TUSC3: variants seen among roughly 807,000 people sequenced by gnomAD.
The protein encoded by TUSC3 is dolichyl-diphosphooligosaccharide--protein glycosyltransferase subunit TUSC3.
A neutral mutation model predicts 44.8 loss-of-function variants in TUSC3; 45 were observed. The observed-to-expected ratio is 1.00, with a 90% CI of 0.79 to 1.29. The LOEUF (loss-of-function observed/expected upper bound fraction) is 1.29, where lower values mean the gene tolerates loss of function less well. TUSC3 is among the 50% of genes most tolerant of loss of function. The probability of loss-of-function intolerance (pLI) is 0.00; values close to 1 mark genes in which losing one functional copy is unlikely to be tolerated. For missense variants in TUSC3, 519 were observed against 437.9 expected, an observed-to-expected ratio of 1.19 and a Z score of -1.65; for synonymous variants, 212 against 152.9, an observed-to-expected ratio of 1.39 and a Z score of -2.85.
the TUSC3 span, among the ~76,000 whole-genome samples, chr8:15,846,164 G>C: frequency 1.3e-5 from 2 of 152,258 alleles, no homozygotes; most frequent in East Asian, 3.9e-4. Flanking sequence ...TTCCAGTTGA[G>C]ATTTGAATGG....
the TUSC3 span, among the ~76,000 whole-genome samples, chr8:15,800,462 A>G: frequency 6.6e-6 from 1 of 151,968 alleles, no homozygotes. Context: ...AGTCTCAGCT[A>G]CTTGGGGGGC....
intron 1 of TUSC3, among the ~76,000 whole-genome samples, chr8:15,591,775 A>G (rs1284950206): frequency 6.6e-6 from 1 of 152,198 alleles, no homozygotes; most frequent in Non-Finnish European, 1.5e-5. Context: ...GAAAGTGGTT[A>G]TAATAAGATT....
At chr8:15,817,155 T>C in the TUSC3 span, among the ~76,000 whole-genome samples, 1 of 152,224 alleles carries the variant, frequency 6.6e-6, no homozygotes, top group Non-Finnish European at 1.5e-5. Context: ...ATGATGTTTC[T>C]CTTTTTTAAA....
rs533133321 is a variant in TUSC3, at chr8:15,591,534, G to C, written c.139-31546G>C. 4.6e-5 allele frequency among the ~76,000 whole-genome samples: 7 copies of C among 152,342 alleles called. No homozygotes were observed. The South Asian group carries it at 1.4e-3, about 32-fold the overall frequency. The stretch of plus-strand genomic sequence containing the variant: ...TCAATGGTAATTCTAGTAGAAGACA[G>C]AAGTATCAAGCGAGTAAGCATACAG... On this transcript the variant is annotated intron_variant, in intron 1 of 10. Coordinates refer to ENST00000503731, the MANE Select transcript of TUSC3 (RefSeq NM_006765.4).
the TUSC3 span, among the ~76,000 whole-genome samples, chr8:15,837,874 C>A: frequency 1.3e-5 from 2 of 152,240 alleles, no homozygotes; most frequent in African/African-American, 2.4e-5. Context: ...ATTTTGACTT[C>A]TTTTAAAATT....
At chr8:15,800,262 A>G in the TUSC3 span, among the ~76,000 whole-genome samples, 17 of 152,152 alleles carry the variant, frequency 1.1e-4, no homozygotes, top group Non-Finnish European at 1.6e-4. Flanking sequence ...CCACTTGACA[A>G]CATCATAGAT....
intron 1 of TUSC3, among the ~76,000 whole-genome samples, chr8:15,452,662 C>G (rs143246076): frequency 6.2e-4 from 94 of 152,248 alleles, no homozygotes; most frequent in African/African-American, 2.0e-3. Flanking sequence ...CTCTCCTGCA[C>G]AAATAGTCTT....
At chr8:15,830,642 G>A in the TUSC3 span, among the ~76,000 whole-genome samples, 1 of 152,136 alleles carries the variant, frequency 6.6e-6, no homozygotes, top group South Asian at 2.1e-4. Flanking sequence ...CTTATCCTAA[G>A]TGAAATAACT....
chr8:15,622,115 G>A (rs1805274044), intron 1 of TUSC3, among the ~76,000 whole-genome samples: 1 of 152,062 alleles, frequency 6.6e-6, no homozygotes, highest in African/African-American at 2.4e-5. Context: ...GATTTCTAGA[G>A]TAGAGCTTGG....
chr8:15,602,666 ATGTGTG>A (rs60206119), intron 1 of TUSC3, among the ~76,000 whole-genome samples: 4,257 of 145,918 alleles, frequency 0.029, 204 homozygotes, highest in African/African-American at 0.097. Context: ...AAATATTTAT[ATGTGTG>A]TGTGTGTGTG....
intron 1 of TUSC3, among the ~76,000 whole-genome samples, chr8:15,554,971 C>T (rs1192097480): frequency 2.6e-5 from 4 of 151,114 alleles, no homozygotes; most frequent in African/African-American, 9.7e-5. Context: ...AGCAATGAAG[C>T]GCTGCTAAAT....
intron 6 of TUSC3, among the ~76,000 whole-genome samples, chr8:15,715,414 A>C (rs935545828): frequency 6.6e-6 from 1 of 152,074 alleles, no homozygotes; most frequent in Admixed American, 6.6e-5. Flanking sequence ...TGATCTGTCA[A>C]CCTGATAACT....
At chr8:15,572,531 C>G (rs536540373) in intron 1 of TUSC3, among the ~76,000 whole-genome samples, 2 of 152,290 alleles carry the variant, frequency 1.3e-5, no homozygotes, top group South Asian at 4.1e-4. Context: ...TGGAGTAGCA[C>G]TTTAAATTTC....
intron 6 of TUSC3, among the ~76,000 whole-genome samples, chr8:15,691,241 T>C (rs1268993712): frequency 1.3e-5 from 2 of 152,166 alleles, no homozygotes; most frequent in African/African-American, 4.8e-5. Context: ...ATAACCTGTA[T>C]TCTTAAGTAT....
intron 1 of TUSC3, among the ~76,000 whole-genome samples, chr8:15,606,676 A>G (rs746471171): frequency 3.9e-5 from 6 of 152,062 alleles, no homozygotes; most frequent in Non-Finnish European, 5.9e-5. Flanking sequence ...ATATCCAAAT[A>G]CTTGGAATTA....
intron 1 of TUSC3, among the ~76,000 whole-genome samples, chr8:15,587,365 T>C (rs796504998): frequency 4.4e-4 from 67 of 152,308 alleles, no homozygotes; most frequent in African/African-American, 1.6e-3. Context: ...TTATGTTTTG[T>C]TACTGCTTCT....
At chr8:15,602,019 C>A (rs1422618343) in intron 1 of TUSC3, among the ~76,000 whole-genome samples, 1 of 151,380 alleles carries the variant, frequency 6.6e-6, no homozygotes, top group Non-Finnish European at 1.5e-5. Context: ...AATACGATGT[C>A]TACCTGAAAT....
chr8:15,738,032 G>C (rs1221171291), intron 7 of TUSC3, among the ~76,000 whole-genome samples: 2 of 152,034 alleles, frequency 1.3e-5, no homozygotes, highest in Non-Finnish European at 2.9e-5. Context: ...AATAGGGAGG[G>C]TTAGCGAGCT....
At chr8:15,494,271 T>TG (rs1315887468) in intron 2 of TUSC3, among the ~76,000 whole-genome samples, 1 of 152,034 alleles carries the variant, frequency 6.6e-6, no homozygotes, top group Non-Finnish European at 1.5e-5. Context: ...CAATATTTTT[T>TG]ACTGATGTCT....
Sources: allele counts gnomAD v4.1 joint callset (sites outside exome capture counted in the v4.1 genomes callset), GRCh38; gene constraint gnomAD v4.1.1; transcripts MANE v1.5; gene names NCBI Gene and HGNC (gene_info 2026-07-23, HGNC 2026-07-21).